TBC1D19: variants seen among roughly 807,000 people sequenced by gnomAD.
TBC1D19 encodes the protein TBC1 domain family, member 19.
In TBC1D19, 60 loss-of-function variants were observed where a neutral mutation model predicts 89.0. The ratio of observed to expected loss-of-function variants is 0.67; its 90% CI spans 0.55 to 0.84. The LOEUF is 0.84. Among genes scored for constraint, TBC1D19 ranks in the 40% least tolerant of loss-of-function variants. TBC1D19 has a pLI of 0.00. For missense variants in TBC1D19, 500 were observed against 610.8 expected (o/e 0.82, Z 1.91); for synonymous variants, 189 against 199.7 (o/e 0.95, Z 0.45).
chr4:26,709,099 A>T (rs1210089460), intron 13 of TBC1D19, among the ~76,000 whole-genome samples: 1 of 151,916 alleles, frequency 6.6e-6, no homozygotes, highest in East Asian at 1.9e-4. Context: ...AATCTCTGGA[A>T]ATCAGATTCT....
chr4:26,736,595 G>A (rs1718064523), intron 16 of TBC1D19, among the ~76,000 whole-genome samples: 1 of 152,154 alleles, frequency 6.6e-6, no homozygotes. Context: ...CCATTTTTTA[G>A]TCCAATGGAA....
At chr4:26,743,096 G>A (rs185103039) in intron 18 of TBC1D19, among the ~76,000 whole-genome samples, 1 of 152,052 alleles carries the variant, frequency 6.6e-6, no homozygotes, top group Admixed American at 6.5e-5. Context: ...TTTGTTCATT[G>A]GTCTCAGCAT....
the TBC1D19 span, among the ~76,000 whole-genome samples, chr4:26,817,099 A>T: frequency 1.3e-5 from 2 of 152,196 alleles, no homozygotes; most frequent in African/African-American, 4.8e-5. Flanking sequence ...TTTACTCTAA[A>T]GCTTGAGAGA....
At chr4:26,673,998 C>G in intron 11 of TBC1D19, 110 bp downstream of exon 11, 1 of 556,188 alleles carries the variant, frequency 1.8e-6, no homozygotes, top group African/African-American at 1.9e-5. Flanking sequence ...TTATTAACCC[C>G]CTTTTTAAAT....
exon 1 of TBC1D19, chr4:26,576,720 C>G (rs76152089): frequency 0.015 from 7,027 of 456,086 alleles, 211 homozygotes; most frequent in African/African-American, 0.083. Context: ...CACAGCAGGG[C>G]AGAGAGCCAC....
chr4:26,656,987 T>TTCTCCTTCTCCTTCTC (rs1744874381), intron 7 of TBC1D19, among the ~76,000 whole-genome samples: 10 of 17,818 alleles, frequency 5.6e-4, no homozygotes, highest in Admixed American at 1.8e-3. Flanking sequence ...TTCTTCTTCT[T>TTCTCCTTCTCCTTCTC]CTTCTCCTTC....
intron 13 of TBC1D19, among the ~76,000 whole-genome samples, chr4:26,703,727 GT>G (rs1327461149): frequency 6.6e-6 from 1 of 151,776 alleles, no homozygotes; most frequent in Non-Finnish European, 1.5e-5. Flanking sequence ...GCCAAGGCGG[GT>G]GGATCACGAG....
the TBC1D19 span, among the ~76,000 whole-genome samples, chr4:26,794,680 A>G: frequency 6.6e-6 from 1 of 152,368 alleles, no homozygotes; most frequent in Non-Finnish European, 1.5e-5. Flanking sequence ...AGATGGTGTC[A>G]TAGCTGAGTT....
chr4:26,750,814 G>A (rs1718908888), intron 19 of TBC1D19, among the ~76,000 whole-genome samples: 1 of 152,140 alleles, frequency 6.6e-6, no homozygotes, highest in African/African-American at 2.4e-5. Context: ...TCATGTAAAT[G>A]TATACAAATT....
intron 3 of TBC1D19, 93 bp downstream of exon 3, chr4:26,614,546 A>T (rs1741561359): frequency 1.4e-6 from 1 of 706,062 alleles, no homozygotes; most frequent in Admixed American, 3.3e-5. Context: ...TACTTGTTGT[A>T]TTATTATTTA....
intron 11 of TBC1D19, among the ~76,000 whole-genome samples, chr4:26,677,979 G>T (rs1712987833): frequency 6.6e-6 from 1 of 152,166 alleles, no homozygotes; most frequent in Non-Finnish European, 1.5e-5. Flanking sequence ...TAGTAAATTG[G>T]TACTGCAGAG....
At chr4:26,654,457 C>T (rs1322017553) in intron 7 of TBC1D19, among the ~76,000 whole-genome samples, 9 of 152,178 alleles carry the variant, frequency 5.9e-5, no homozygotes, top group Non-Finnish European at 1.0e-4. Flanking sequence ...TGGATAATAT[C>T]CTGCAGAGTG....
the TBC1D19 span, among the ~76,000 whole-genome samples, chr4:26,794,231 C>A: frequency 6.6e-6 from 1 of 152,086 alleles, no homozygotes; most frequent in African/African-American, 2.4e-5. Flanking sequence ...TTTATATTTT[C>A]AGGTTTATTT....
chr4:26,739,380 A>G (rs2109312306), intron 16 of TBC1D19, among the ~76,000 whole-genome samples: 1 of 152,320 alleles, frequency 6.6e-6, no homozygotes, highest in South Asian at 2.1e-4. Flanking sequence ...TTTCAAATTG[A>G]ATTAATTGAA....
At chr4:26,707,984 A>G (rs1577966067) in intron 13 of TBC1D19, among the ~76,000 whole-genome samples, 2 of 152,126 alleles carry the variant, frequency 1.3e-5, no homozygotes, top group African/African-American at 2.4e-5. Context: ...GACTTTTCAA[A>G]TGTACGAGTT....
At chr4:26,756,891 T>A (rs1191415923), downstream of TBC1D19, among the ~76,000 whole-genome samples, 1 of 152,176 alleles carries the variant, frequency 6.6e-6, no homozygotes, top group Non-Finnish European at 1.5e-5. Context: ...TGAATCTGAA[T>A]CCCAAAGCCA....
chr4:26,640,752 A>C (rs572766842), intron 7 of TBC1D19, among the ~76,000 whole-genome samples: 7 of 152,318 alleles, frequency 4.6e-5, no homozygotes, highest in African/African-American at 1.7e-4. Flanking sequence ...CCAGGAGGTT[A>C]TATCCCATGC....
At chr4:26,791,753 G>T in the TBC1D19 span, among the ~76,000 whole-genome samples, 1 of 152,234 alleles carries the variant, frequency 6.6e-6, no homozygotes, top group Non-Finnish European at 1.5e-5. Context: ...AGATAGAGCT[G>T]CCATTTAGTG....
At chr4:26,800,841 T>C in the TBC1D19 span, among the ~76,000 whole-genome samples, 1 of 152,092 alleles carries the variant, frequency 6.6e-6, no homozygotes, top group African/African-American at 2.4e-5. Flanking sequence ...TTCGCCCACT[T>C]TTTGATGGGG....
Sources: allele counts gnomAD v4.1 joint callset (sites outside exome capture counted in the v4.1 genomes callset), GRCh38; gene constraint gnomAD v4.1.1; transcripts MANE v1.5; gene names NCBI Gene and HGNC (gene_info 2026-07-23, HGNC 2026-07-21).